The following PDIA6 variants were observed in gnomAD, a reference collection of about 807,000 sequenced individuals.
PDIA6 encodes the protein protein disulfide-isomerase A6.
A neutral mutation model predicts 58.4 loss-of-function variants in PDIA6; 29 were observed. The observed-to-expected ratio is 0.50, with a 90% confidence interval of 0.37 to 0.68. The LOEUF (loss-of-function observed/expected upper bound fraction) is 0.68. Ranked by LOEUF, PDIA6 falls within the 30% of genes least tolerant of loss-of-function variation. The pLI, the probability that PDIA6 is intolerant of heterozygous loss-of-function variation, is 0.00. For missense variants in PDIA6, 480 were observed against 551.0 expected (o/e 0.87, Z 1.29); for synonymous variants, 192 against 202.6 (o/e 0.95, Z 0.44).
intron 11 of PDIA6, among the ~76,000 whole-genome samples, chr2:10,786,130 C>A (rs1029997750): frequency 1.3e-5 from 2 of 152,120 alleles, no homozygotes; most frequent in Non-Finnish European, 1.5e-5. Context: ...TGAGACCCGC[C>A]TGGCCAACCT....
rs1665613254 is a variant in PDIA6 at position 10,784,564 on chromosome 2, A to AAC, written c.1255-240_1255-239dup. On this transcript the variant is annotated intron_variant, in intron 12 of 12. Coordinates refer to ENST00000272227, the MANE Select transcript of PDIA6 (RefSeq NM_005742.4). ...CCATTTTAACACTGGAAGCCACTTG[A>AAC]ACGTGTCCTTTTGAGGAGGGTGGGA... 5.7e-6 allele frequency: 3 copies of AAC among 527,556 alleles called. No homozygotes were observed. In the Admixed American group the frequency reaches 1.1e-4, roughly 19 times the overall value. 32.7% of individuals were successfully genotyped at this position (527,556 alleles called of 1,614,324 possible). A position where few individuals can be genotyped will look rare whatever the true frequency, so the allele number is the denominator to read the frequency against.
intron 1 of PDIA6, among the ~76,000 whole-genome samples, chr2:10,805,910 T>TGGGGTGG (rs1558451659): frequency 2.6e-5 from 1 of 38,166 alleles, no homozygotes; most frequent in African/African-American, 8.3e-5. Context: ...GGGACTGTTG[T>TGGGGTGG]GGGGTGGGGG....
intron 5 of PDIA6, among the ~76,000 whole-genome samples, 173 bp from the exon 6 acceptor site, chr2:10,792,098 T>C (rs111767098): frequency 0.018 from 2,666 of 152,338 alleles, 90 homozygotes; most frequent in African/African-American, 0.061. Flanking sequence ...ACTGTAATTT[T>C]TGCTTGGCAA....
intron 1 of PDIA6, chr2:10,821,475 G>A (rs1166135402): frequency 6.6e-6 from 1 of 152,370 alleles, no homozygotes; most frequent in Non-Finnish European, 1.5e-5. Context: ...GTGGTTGGGT[G>A]TTGCCTTCTA....
chr2:10,834,702 C>G (rs1325612473), upstream of PDIA6, among the ~76,000 whole-genome samples: 1 of 42,792 alleles, frequency 2.3e-5, no homozygotes, highest in African/African-American at 7.8e-5. Flanking sequence ...AATTTCTCTC[C>G]CTCCCTCCCT....
At chr2:10,812,599 GCC>G in intron 1 of PDIA6, 77 bp downstream of exon 1, 1 of 1,368,560 alleles carries the variant, frequency 7.3e-7, no homozygotes, top group Non-Finnish European at 9.6e-7. Context: ...GCCGCGGCCC[GCC>G]GGGGAACGGC....
upstream of PDIA6, among the ~76,000 whole-genome samples, chr2:10,833,530 T>A (rs530721309): frequency 1.6e-3 from 240 of 152,230 alleles, no homozygotes; most frequent in African/African-American, 5.4e-3. Context: ...GCGGGCTCAT[T>A]CCCTGACTTC....
At chr2:10,798,745 C>T (rs779571592) in intron 2 of PDIA6, among the ~76,000 whole-genome samples, 36 of 152,174 alleles carry the variant, frequency 2.4e-4, no homozygotes, top group Non-Finnish European at 4.6e-4. Flanking sequence ...TCCACAAACC[C>T]AAACTTCCTA....
rs763226405 is a variant in PDIA6 at position 10,802,543 on chromosome 2, A to C, written c.117T>G (p.Val39=). The change falls in exon 2 of 13, where the codon GTT becomes GTG. Residue 39 remains valine (V), a synonymous_variant. Coordinates refer to ENST00000272227, the MANE Select transcript of PDIA6 (RefSeq NM_005742.4). Reference sequence around the variant, plus strand: ...CAAGCCACAAACTATCACTCTGAATAACTTCTCGGTTGAAATTCGATGGAG... The same window carrying C: ...CAAGCCACAAACTATCACTCTGAATCACTTCTCGGTTGAAATTCGATGGAG... ...ELTPSNFNRE[V]IQSDSLWLVE... The C allele has an allele frequency of 3.2e-5, 47 of 1,484,060 alleles. No homozygotes were observed. Among genetic ancestry groups the C allele is most frequent in the Non-Finnish European group, 4.1e-5 (46 of 1,115,038 alleles). The allele number at this position is 1,484,060 out of a possible 1,614,324, so 91.9% of individuals were successfully genotyped here.
rs1279983400 is a variant in PDIA6 at position 10,822,891 on chromosome 2, A to C, written c.-47-3537T>G. Among the ~76,000 whole-genome samples, 4 of 152,218 alleles carry C rather than the reference A, an allele frequency of 2.6e-5. No homozygotes were observed. The East Asian group carries it at 7.7e-4, about 29-fold the overall frequency. ...GAGCGCAGCTTCCTGCGGACAAGAC[A>C]AGGCCTCCCCTTTGTGAACCTCCCA... On this transcript the variant is annotated intron_variant, in intron 1 of 13. Coordinates refer to the PDIA6 transcript ENST00000381611.
chr2:10,818,103 G>A (rs1458195013), intron 2 of PDIA6, among the ~76,000 whole-genome samples: 2 of 151,976 alleles, frequency 1.3e-5, no homozygotes, highest in Non-Finnish European at 2.9e-5. Context: ...GGGATAGGCA[G>A]ATGAAGCCTT....
chr2:10,798,563 G>T (rs1666367382), intron 2 of PDIA6, among the ~76,000 whole-genome samples: 1 of 99,078 alleles, frequency 1.0e-5, no homozygotes, highest in African/African-American at 3.2e-5. Context: ...GCAAGACTCT[G>T]TCCCCCACCC....
intron 2 of PDIA6, among the ~76,000 whole-genome samples, chr2:10,799,725 A>G (rs1267137602): frequency 1.3e-5 from 2 of 152,160 alleles, no homozygotes; most frequent in East Asian, 3.8e-4. Flanking sequence ...ATTTCAGTTT[A>G]AGAAAGGAGG....
upstream of PDIA6, among the ~76,000 whole-genome samples, chr2:10,816,865 A>G (rs1431588548): frequency 6.6e-6 from 1 of 152,100 alleles, no homozygotes; most frequent in Non-Finnish European, 1.5e-5. Context: ...GAGAGATGTC[A>G]TGTGGCCTGC....
At chr2:10,786,840 G>C (rs1043505290) in intron 11 of PDIA6, among the ~76,000 whole-genome samples, 1 of 152,254 alleles carries the variant, frequency 6.6e-6, no homozygotes, top group African/African-American at 2.4e-5. Flanking sequence ...CACATTGTTG[G>C]AGTAACTTAA....
chr2:10,822,375 T>G (rs1686495), intron 1 of PDIA6, among the ~76,000 whole-genome samples: 95,550 of 151,494 alleles, frequency 0.63, 30,343 homozygotes, highest in East Asian at 0.8. Context: ...CCATTCTCCT[T>G]CCTCAGCCTC....
intron 6 of PDIA6, among the ~76,000 whole-genome samples, chr2:10,791,127 C>T (rs1004304959): frequency 2.7e-5 from 4 of 148,208 alleles, no homozygotes; most frequent in African/African-American, 7.4e-5. Context: ...TAACTTGCAG[C>T]CCAAACACCT....
Position 10,793,112 on chromosome 2 carries a change from T to C in PDIA6, c.437A>G (p.Tyr146Cys), listed in dbSNP as rs896930209. ...KDRLGGRSGG[Y>C]SSGKQGRSDS... ...TGGTCTTACTTGTTTTCCAGAACTG[T>C]ATCCTCCGCTCCGTCCCCCGAGGCG... The change falls in exon 5 of 13, where the codon TAC becomes TGC. Residue 146 changes from tyrosine to cysteine, a missense_variant. Tyr to Cys is a radical substitution (Grantham distance 194). Coordinates refer to ENST00000272227, the MANE Select transcript of PDIA6 (RefSeq NM_005742.4). The C allele has an allele frequency of 2.5e-6, 4 of 1,612,560 alleles. No individual in the cohort carries two copies. The highest frequency in any genetic ancestry group is 1.1e-5 in the South Asian group (1 of 91,058).
At chr2:10,817,610 T>G (rs926555554), upstream of PDIA6, among the ~76,000 whole-genome samples, 2 of 152,186 alleles carry the variant, frequency 1.3e-5, no homozygotes, top group Admixed American at 6.5e-5. Context: ...GCCAATGGAA[T>G]GGGAGAGGAG....
Sources: allele counts gnomAD v4.1 joint callset (sites outside exome capture counted in the v4.1 genomes callset), GRCh38; gene constraint gnomAD v4.1.1; transcripts MANE v1.5; gene names NCBI Gene and HGNC (gene_info 2026-07-23, HGNC 2026-07-21).